Variants in PNPLA7 observed in about 807,000 individuals in gnomAD.
The protein encoded by PNPLA7 is patatin like domain 7, lysophospholipase, also known as patatin-like phospholipase domain-containing protein 7.
A neutral mutation model predicts 161.7 loss-of-function variants in PNPLA7; 153 were observed. The ratio of observed to expected loss-of-function variants is 0.95; its 90% CI spans 0.83 to 1.08. The LOEUF is 1.08. PNPLA7 is among the 50% of genes least tolerant of loss of function. The probability of loss-of-function intolerance (pLI) is 0.00; values close to 1 mark genes in which losing one functional copy is unlikely to be tolerated. For missense variants in PNPLA7, 1,739 were observed against 1,856.6 expected (o/e 0.94, Z 1.16); for synonymous variants, 809 against 782.1 (o/e 1.03, Z -0.57).
In PNPLA7 at chr9:137,467,497, C is replaced by T. The variant is rs1469545311; in HGVS notation, c.2883-24G>A. 5.0e-6 allele frequency: 8 copies of T among 1,610,548 alleles called. No individual in the cohort carries two copies. The highest frequency in any genetic ancestry group is 1.7e-5 in the Admixed American group (1 of 59,916). On this transcript the variant is annotated intron_variant, in intron 25 of 34. Transcript: ENST00000406427. This position sits in a 1 kb window ranked among gnomAD's most constrained non-coding sequence, Gnocchi z 5.1. ...CTCTACACCAGCCAGGGACACAGAGCAAGGAGTGAGTACCAGGCCCAGGCT... is the reference window on the plus strand; with the variant it reads ...CTCTACACCAGCCAGGGACACAGAGTAAGGAGTGAGTACCAGGCCCAGGCT...
intron 14 of PNPLA7, among the ~76,000 whole-genome samples, chr9:137,503,815 G>GA (rs1346511803): frequency 3.5e-3 from 1 of 286 alleles, no homozygotes; most frequent in African/African-American, 0.023. Flanking sequence ...GAAGGAAGAA[G>GA]ATGAAGGAAG....
intron 14 of PNPLA7, 83 bp downstream of exon 14, chr9:137,505,531 T>A (rs7037200): frequency 6.5e-7 from 1 of 1,528,090 alleles, no homozygotes; most frequent in South Asian, 1.2e-5. Context: ...CCTCCACACC[T>A]GGAACCACTG....
chr9:137,480,837 A>C, intron 22 of PNPLA7, 123 bp downstream of exon 22: 1 of 1,097,854 alleles, frequency 9.1e-7, no homozygotes, highest in Non-Finnish European at 1.3e-6. Context: ...CAGCCCTCAC[A>C]CCACAGTGTG....
At chr9:137,460,899 C>A in intron 33 of PNPLA7, 162 bp from the exon 34 acceptor site, 1 of 612,854 alleles carries the variant, frequency 1.6e-6, no homozygotes, top group Non-Finnish European at 2.9e-6. Context: ...GCCCTGCACA[C>A]CACCCCTGGT....
intron 8 of PNPLA7, among the ~76,000 whole-genome samples, chr9:137,536,417 G>T (rs574875900): frequency 9.9e-5 from 15 of 152,146 alleles, no homozygotes; most frequent in African/African-American, 3.4e-4. Context: ...GAGGATGGGG[G>T]CTCCTAGCAG....
intron 21 of PNPLA7, among the ~76,000 whole-genome samples, chr9:137,483,120 C>T (rs2132159262): frequency 6.6e-6 from 1 of 152,342 alleles, no homozygotes; most frequent in East Asian, 1.9e-4. Flanking sequence ...GATCCTCCCA[C>T]CTCAGCCTCC....
intron 9 of PNPLA7, among the ~76,000 whole-genome samples, chr9:137,522,213 T>A (rs1239471647): frequency 1.3e-5 from 2 of 152,236 alleles, no homozygotes; most frequent in Non-Finnish European, 2.9e-5. Flanking sequence ...TAGCTGGGAC[T>A]ACAGGCGCCC....
At chr9:137,464,683 C>T in intron 26 of PNPLA7, 2 of 565,000 alleles carry the variant, frequency 3.5e-6, no homozygotes, top group Middle Eastern at 9.6e-4. Context: ...CCCTCGGTCC[C>T]TTCCTGATCC....
intron 12 of PNPLA7, among the ~76,000 whole-genome samples, chr9:137,508,342 C>T (rs967783324): frequency 2.6e-5 from 4 of 152,060 alleles, no homozygotes; most frequent in Admixed American, 6.6e-5. Context: ...ACGAGGCGGG[C>T]GGATCACGAG....
chr9:137,522,608 T>C lies in PNPLA7; in HGVS notation c.876+121A>G, dbSNP rs867274437. The C allele has an allele frequency of 5.8e-5, 64 of 1,104,792 alleles. 1 individual carries two copies. The Middle Eastern group carries it at 2.3e-3, about 39-fold the overall frequency. 68.4% of individuals were successfully genotyped at this position (1,104,792 alleles called of 1,614,324 possible). A position where few individuals can be genotyped will look rare whatever the true frequency, so the allele number is the denominator to read the frequency against. ...ATTCCTCTGAAATCACCTTCATGGCTGTAAAGCTCAGAACTGAGAAAGTAA... is the reference window on the plus strand; with the variant it reads ...ATTCCTCTGAAATCACCTTCATGGCCGTAAAGCTCAGAACTGAGAAAGTAA... On this transcript the variant is annotated intron_variant, in intron 9 of 34. Transcript: ENST00000406427.
chr9:137,525,399 T>C (rs933477612), intron 8 of PNPLA7, among the ~76,000 whole-genome samples: 1 of 152,210 alleles, frequency 6.6e-6, no homozygotes, highest in African/African-American at 2.4e-5. Flanking sequence ...TGGCCCCGAA[T>C]GCCTGGCTGC....
At chr9:137,483,472 T>A (rs974115288) in intron 21 of PNPLA7, among the ~76,000 whole-genome samples, 1 of 152,212 alleles carries the variant, frequency 6.6e-6, no homozygotes, top group Non-Finnish European at 1.5e-5. Flanking sequence ...TATTTATTTT[T>A]GAGATAGAGT....
chr9:137,526,155 G>A (rs982544090), intron 8 of PNPLA7, among the ~76,000 whole-genome samples: 2 of 152,014 alleles, frequency 1.3e-5, no homozygotes, highest in Admixed American at 6.6e-5. Context: ...TCGTGCCCTC[G>A]GTCTCTTGCC....
At position 137,519,959 on chromosome 9, in the gene PNPLA7, G is replaced by T; in HGVS notation, c.1042C>A (p.Arg348=). 2 of 1,612,774 alleles carry T rather than the reference G, an allele frequency of 1.2e-6. No homozygotes were observed. The highest frequency in any genetic ancestry group is 1.1e-5 in the South Asian group (1 of 91,082). ...KKQVFYGEEE[R]LKKPPRLQES... is the part of the protein sequence containing the mutation. ...TGGAGCCGCGGTGGCTTTTTAAGCC[G>T]CTCTTCTTCGCCATAGAACACCTGC... Residue 348 remains arginine, a synonymous_variant, in exon 11 of 35, where the codon CGG becomes AGG. Transcript: ENST00000406427.
At chr9:137,544,762 G>GCCT (rs1421386199) in intron 4 of PNPLA7, among the ~76,000 whole-genome samples, 1 of 152,060 alleles carries the variant, frequency 6.6e-6, no homozygotes, top group Non-Finnish European at 1.5e-5. Context: ...CAATTCTCCT[G>GCCT]CCTCAGCCTC....
rs550414862 is a variant in PNPLA7 at position 137,516,347 on chromosome 9, C to T, written c.1085-828G>A. The T allele has an allele frequency of 9.1e-6, 9 of 984,602 alleles. No homozygotes were observed. The South Asian group carries it at 4.2e-4, about 46-fold the overall frequency. 61.0% of individuals were successfully genotyped at this position (984,602 alleles called of 1,614,324 possible). ...AGCCTGGCCTTGCCGACCACACAGG[C>T]TGAAGGAGGCTGCCCTGCCTGGACA... On this transcript the variant is annotated intron_variant, in intron 11 of 34. Coordinates refer to ENST00000406427, the MANE Select transcript of PNPLA7 (RefSeq NM_001098537.3).
In PNPLA7 at chr9:137,486,094, G is replaced by C. The variant is rs1014510851; in HGVS notation, c.2198-1358C>G. Among the ~76,000 whole-genome samples the C allele has an allele frequency of 1.3e-5, 2 of 152,060 alleles. No individual in the cohort carries two copies. Among genetic ancestry groups the C allele is most frequent in the African/African-American group, 2.4e-5 (1 of 41,474 alleles). On this transcript the variant is annotated intron_variant, in intron 20 of 34. Coordinates refer to ENST00000406427, the MANE Select transcript of PNPLA7 (RefSeq NM_001098537.3). The surrounding 1 kb of genome is among the most constrained non-coding windows in gnomAD (Gnocchi z 6.0). ...TCCCCGTGGCCCAGCCCTCTCACAG[G>C]CTGTCCCCTGGCCTATGTCTCCCGT...
Position 137,468,709 on chromosome 9 carries a change from C to T in PNPLA7, c.2883-1236G>A, listed in dbSNP as rs769393821. On this transcript the variant is annotated intron_variant, in intron 25 of 34. Transcript: ENST00000406427. The surrounding 1 kb of genome is among the most constrained non-coding windows in gnomAD (Gnocchi z 4.0). ...ACACTGAGCTGACGTCACACCACTG[C>T]ACTCCAGCCTGGACTGGAGTGAGAC... Among the ~76,000 whole-genome samples the T allele has an allele frequency of 1.1e-4, 16 of 152,134 alleles. No homozygotes were observed. Among genetic ancestry groups the T allele is most frequent in the Admixed American group, 7.2e-4 (11 of 15,268 alleles).
chr9:137,471,923 A>C (rs753782826), intron 25 of PNPLA7, among the ~76,000 whole-genome samples: 7 of 152,124 alleles, frequency 4.6e-5, no homozygotes, highest in Non-Finnish European at 7.4e-5. Context: ...CAATTAAAGA[A>C]AAATGGAAAA....
Sources: allele counts gnomAD v4.1 joint callset (sites outside exome capture counted in the v4.1 genomes callset), GRCh38; gene constraint gnomAD v4.1.1; non-coding constraint Gnocchi (gnomAD v3.1); transcripts MANE v1.5; gene names NCBI Gene and HGNC (gene_info 2026-07-23, HGNC 2026-07-21).